COL4A5: variants seen among roughly 807,000 people sequenced by gnomAD.
The protein encoded by COL4A5 is collagen alpha-5(IV) chain.
In COL4A5, 26 loss-of-function variants were observed where a neutral mutation model predicts 130.2. The ratio of observed to expected loss-of-function variants is 0.20; its 90% CI spans 0.15 to 0.28. The LOEUF (loss-of-function observed/expected upper bound fraction) is 0.28, where lower values mean the gene tolerates loss of function less well. COL4A5 is among the 10% of genes least tolerant of loss of function. COL4A5 has a pLI of 1.00. For missense variants in COL4A5, 1,131 were observed against 1,344.3 expected, an observed-to-expected ratio of 0.84 and a Z score of 2.48; for synonymous variants, 496 against 439.6, an observed-to-expected ratio of 1.13 and a Z score of -1.60.
chrX:108,476,413 A>C (rs970081334), intron 1 of COL4A5, among the ~76,000 whole-genome samples: 2 of 110,541 alleles, frequency 1.8e-5, no homozygotes, highest in Non-Finnish European at 3.8e-5. Context: ...TTTGTGTTAC[A>C]AACAATCCAG....
At chrX:108,689,072 G>A (rs1179255602) in intron 49 of COL4A5, among the ~76,000 whole-genome samples, 2 of 110,561 alleles carry the variant, frequency 1.8e-5, no homozygotes, top group East Asian at 2.8e-4. Flanking sequence ...TTTTTCTTCC[G>A]TTTATATTTC....
At chrX:108,475,893 C>T (rs183071591) in intron 1 of COL4A5, among the ~76,000 whole-genome samples, 1 of 111,592 alleles carries the variant, frequency 9.0e-6, no homozygotes, top group African/African-American at 3.3e-5. Context: ...GTATATAAAC[C>T]TCTCTAAATT....
chrX:108,558,939 G>A (rs767248881), intron 2 of COL4A5, 125 bp from the exon 3 acceptor site: 1 of 587,987 alleles, frequency 1.7e-6, no homozygotes, highest in Non-Finnish European at 2.9e-6. Context: ...AGTAGATACT[G>A]TGAATTTACA....
chrX:108,583,259 T>C (rs2066279458), intron 17 of COL4A5, among the ~76,000 whole-genome samples: 1 of 112,072 alleles, frequency 8.9e-6, no homozygotes, highest in Non-Finnish European at 1.9e-5. Flanking sequence ...AATTCAGCAC[T>C]ATTTTAGTGA....
intron 1 of COL4A5, among the ~76,000 whole-genome samples, chrX:108,465,277 CTT>C (rs1362828842): frequency 8.9e-6 from 1 of 112,073 alleles, no homozygotes; most frequent in African/African-American, 3.2e-5. Context: ...GTTTATAAGA[CTT>C]TTTTAATTAT....
At chrX:108,675,204 T>G (rs1603312814) in intron 43 of COL4A5, among the ~76,000 whole-genome samples, 1 of 111,625 alleles carries the variant, frequency 9.0e-6, no homozygotes, top group East Asian at 2.8e-4. Context: ...AACTTATATG[T>G]TCTTTATGTA....
At chrX:108,627,674 A>C (rs2067178647) in intron 36 of COL4A5, 2 of 468,462 alleles carry the variant, frequency 4.3e-6, no homozygotes, top group African/African-American at 5.3e-5. Context: ...CTTGATTTTA[A>C]AATACAACCA....
chrX:108,475,286 T>G (rs1454103128), intron 1 of COL4A5, among the ~76,000 whole-genome samples: 3 of 111,442 alleles, frequency 2.7e-5, no homozygotes, highest in African/African-American at 9.8e-5. Context: ...TTATTATTTC[T>G]TGTAGTAGTA....
rs182511704 is a variant in COL4A5 at position 108,464,871 on chromosome X, A to G, written c.81+24665A>G. ...TCTTACTGAAGAAGTCTAGGTCCCA[A>G]TTCAGGCTCCTTTCCCTTCTACTTT... On this transcript the variant is annotated intron_variant, in intron 1 of 52. Coordinates refer to ENST00000328300, the MANE Select transcript of COL4A5 (RefSeq NM_033380.3). Among the ~76,000 whole-genome samples, 137 of 112,213 alleles carry G rather than the reference A, an allele frequency of 1.2e-3. 3 individuals carry two copies. The Admixed American group carries it at 0.012, about 10-fold the overall frequency.
intron 1 of COL4A5, among the ~76,000 whole-genome samples, chrX:108,455,853 T>C (rs1003607824): frequency 8.9e-6 from 1 of 112,307 alleles, no homozygotes; most frequent in African/African-American, 3.2e-5. Flanking sequence ...TGTGCATCCT[T>C]ATGCCAGTAT....
intron 36 of COL4A5, among the ~76,000 whole-genome samples, chrX:108,650,045 TCAAA>T (rs1022100324): frequency 8.4e-5 from 9 of 107,698 alleles, no homozygotes; most frequent in African/African-American, 2.4e-4. Flanking sequence ...TACAACGAAC[TCAAA>T]CAAATCAGTA....
intron 18 of COL4A5, among the ~76,000 whole-genome samples, chrX:108,586,396 CTTTTAG>C (rs2066335677): frequency 9.0e-6 from 1 of 111,111 alleles, no homozygotes; most frequent in African/African-American, 3.3e-5. Flanking sequence ...ATCAAAAATA[CTTTTAG>C]TTTTATATGC....
rs2067013792 is a variant in COL4A5 at position 108,620,301 on chromosome X, C to G, written c.2552C>G (p.Pro851Arg). The change falls in exon 31 of 53, where the codon CCT (proline) becomes CGT (arginine). Residue 851 changes from proline (P) to arginine (R), a missense_variant. Coordinates refer to ENST00000328300, the MANE Select transcript of COL4A5 (RefSeq NM_033380.3). ...IPGEKGDPGP[P>R]GLDVPGPPGE... ...GGAGAGAAGGGGGATCCAGGACCTC[C>G]TGGACTTGATGTTCCAGGACCCCCA... The G allele has an allele frequency of 8.3e-7, 1 of 1,210,078 alleles. No homozygotes were observed. The highest frequency in any genetic ancestry group is 1.1e-6 in the Non-Finnish European group (1 of 894,395).
chrX:108,479,112 GGT>G (rs2064864320), intron 1 of COL4A5, among the ~76,000 whole-genome samples: 1 of 112,153 alleles, frequency 8.9e-6, no homozygotes, highest in African/African-American at 3.2e-5. Context: ...GAGACTGAGT[GGT>G]GTCCACAGAA....
chrX:108,576,340 A>C (rs2066150040), intron 10 of COL4A5, among the ~76,000 whole-genome samples: 1 of 111,989 alleles, frequency 8.9e-6, no homozygotes, highest in Non-Finnish European at 1.9e-5. Flanking sequence ...TAAGAAGAGC[A>C]AAAGCAGGGC....
At chrX:108,689,785 A>G in intron 49 of COL4A5, 2 of 754,527 alleles carry the variant, frequency 2.7e-6, no homozygotes, top group Non-Finnish European at 3.1e-6. Flanking sequence ...ATTAAATACT[A>G]AAGCTTTTCT....
At chrX:108,644,968 T>C (rs2067550188) in intron 36 of COL4A5, among the ~76,000 whole-genome samples, 2 of 99,090 alleles carry the variant, frequency 2.0e-5, no homozygotes, top group Non-Finnish European at 4.2e-5. Flanking sequence ...TGCTCCTAAA[T>C]GAGCATTGGG....
intron 1 of COL4A5, among the ~76,000 whole-genome samples, chrX:108,444,210 C>CCCTTTTTTTTT (rs1233050668): frequency 9.5e-6 from 1 of 105,251 alleles, no homozygotes; most frequent in African/African-American, 3.7e-5. Context: ...ATGTTCCAGA[C>CCCTTTTTTTTT]TCTTTTTTTT....
At chrX:108,520,988 T>C (rs936224789) in intron 1 of COL4A5, among the ~76,000 whole-genome samples, 2 of 112,029 alleles carry the variant, frequency 1.8e-5, no homozygotes, top group African/African-American at 6.5e-5. Context: ...TTAATGATTA[T>C]GTAAGTATAT....
Sources: gnomAD v4.1 joint callset for allele counts (sites outside exome capture counted in the v4.1 genomes callset) on GRCh38, gnomAD v4.1.1 for gene constraint, MANE v1.5 for transcripts, NCBI Gene and HGNC (gene_info 2026-07-23, HGNC 2026-07-21) for gene names.